The following ADCY1 variants were observed in gnomAD, a reference collection of about 807,000 sequenced individuals.
The protein encoded by ADCY1 is adenylate cyclase 1.
A neutral mutation model predicts 105.4 loss-of-function variants in ADCY1; 28 were observed. The observed-to-expected ratio is 0.27, with a 90% CI of 0.20 to 0.36. The LOEUF is 0.36. Ranked by LOEUF, ADCY1 falls within the 10% of genes least tolerant of loss-of-function variation. The pLI is 1.00. For missense variants in ADCY1, 977 were observed against 1,434.2 expected (o/e 0.68, Z 5.15); for synonymous variants, 655 against 623.8 (o/e 1.05, Z -0.75).
At position 45,710,407 on chromosome 7, in the gene ADCY1, A is replaced by G; in HGVS notation, c.2933-121A>G. The G allele has an allele frequency of 7.0e-7, 1 of 1,428,594 alleles. No homozygotes were observed. The highest frequency in any genetic ancestry group is 9.4e-7 in the Non-Finnish European group (1 of 1,058,340). The allele number at this position is 1,428,594 out of a possible 1,614,324, so 88.5% of individuals were successfully genotyped here. A position where few individuals can be genotyped will look rare whatever the true frequency, so the allele number is the denominator to read the frequency against. ...CTGGTGCTAGGTGACCCCAGGAAAC[A>G]AAGCCCTGAAAGGAGCAGCCTTTTC... On this transcript the variant is annotated intron_variant, in intron 18 of 19. Coordinates refer to ENST00000297323, the MANE Select transcript of ADCY1 (RefSeq NM_021116.4). This position sits in a 1 kb window ranked among gnomAD's most constrained non-coding sequence, Gnocchi z 4.7.
intron 4 of ADCY1, among the ~76,000 whole-genome samples, chr7:45,643,833 C>T (rs1211413933): frequency 6.6e-6 from 1 of 152,130 alleles, no homozygotes; most frequent in Non-Finnish European, 1.5e-5. Flanking sequence ...AGTGCATGCA[C>T]TGTGAAACTG....
At chr7:45,695,937 T>C (rs2116237307) in intron 14 of ADCY1, among the ~76,000 whole-genome samples, 2 of 152,196 alleles carry the variant, frequency 1.3e-5, no homozygotes, top group South Asian at 4.2e-4. Flanking sequence ...TTCTCAAGAG[T>C]GTGGAAAATA....
chr7:45,580,489 C>T (rs1792502293), intron 1 of ADCY1, among the ~76,000 whole-genome samples: 1 of 152,194 alleles, frequency 6.6e-6, no homozygotes. Context: ...AATAAGACCT[C>T]CCTTCCTCTG....
intron 14 of ADCY1, among the ~76,000 whole-genome samples, chr7:45,694,434 T>G: frequency 6.6e-6 from 1 of 152,224 alleles, no homozygotes; most frequent in South Asian, 2.1e-4. Flanking sequence ...AAACTACATA[T>G]GAGATCAACA....
At position 45,575,603 on chromosome 7, in the gene ADCY1, G is replaced by A. The variant is rs1393656113; in HGVS notation, c.639+421G>A. Among the ~76,000 whole-genome samples, 4 of 152,184 alleles carry A rather than the reference G, an allele frequency of 2.6e-5. No homozygotes were observed. The highest frequency in any genetic ancestry group is 5.9e-5 in the Non-Finnish European group (4 of 68,042). On this transcript the variant is annotated intron_variant, in intron 1 of 19. Coordinates refer to ENST00000297323, the MANE Select transcript of ADCY1 (RefSeq NM_021116.4). The surrounding 1 kb of genome is among the most constrained non-coding windows in gnomAD (Gnocchi z 4.7). The stretch of plus-strand genomic sequence containing the variant: ...AAGGCCGGCTCTGCGCGCAGCGCTG[G>A]GCTCTTCCCCTGCGCACCTAGAGCG...
At chr7:45,653,339 C>G (rs2043142173) in intron 5 of ADCY1, among the ~76,000 whole-genome samples, 1 of 152,216 alleles carries the variant, frequency 6.6e-6, no homozygotes, top group South Asian at 2.1e-4. Context: ...GGACCAACCT[C>G]CCAGCTGCTG....
chr7:45,657,291 C>T (rs1003033046), intron 5 of ADCY1, among the ~76,000 whole-genome samples: 4 of 152,268 alleles, frequency 2.6e-5, no homozygotes, highest in Admixed American at 2.0e-4. Flanking sequence ...AGGTTGTCAT[C>T]TGCATCTGGC....
Position 45,717,204 on chromosome 7 carries a change from G to C in ADCY1, c.*3209G>C, listed in dbSNP as rs562504695. On this transcript the variant is annotated 3_prime_UTR_variant, in exon 20 of 20. Coordinates refer to ENST00000297323, the MANE Select transcript of ADCY1 (RefSeq NM_021116.4). ...GCCACTTGTAGGGCAGTGAGAGGAA[G>C]CCGTCGCGGGGACCATGCTGCCTTC... 66 of 152,354 alleles carry C rather than the reference G, an allele frequency of 4.3e-4. No individual in the cohort carries two copies. The highest frequency in any genetic ancestry group is 1.5e-3 in the African/African-American group (64 of 41,568). The allele number at this position is 152,354 out of a possible 1,614,324, so 9.4% of individuals were successfully genotyped here.
chr7:45,685,004 A>G lies in ADCY1; in HGVS notation c.2009A>G (p.Gln670Arg). 6.2e-7 allele frequency: 1 copy of G among 1,614,194 alleles called. No homozygotes were observed. The highest frequency in any genetic ancestry group is 8.5e-7 in the Non-Finnish European group (1 of 1,180,004). The change falls in exon 12 of 20, where the codon CAG becomes CGG. Residue 670 changes from glutamine to arginine, a missense_variant. Gln to Arg is a conservative substitution (Grantham distance 43). Coordinates refer to ENST00000297323, the MANE Select transcript of ADCY1 (RefSeq NM_021116.4). The part of the protein sequence containing the change: ...VQCFPGCLTI[Q>R]IRTVLCIFIV... Reference sequence around the variant, plus strand: ...TGTTTTCCAGGGTGCCTGACGATTCAGATTCGCACTGTCCTGTGTATTTTC... The same window carrying G: ...TGTTTTCCAGGGTGCCTGACGATTCGGATTCGCACTGTCCTGTGTATTTTC...
chr7:45,699,810 G>A (rs1784962176), intron 14 of ADCY1, among the ~76,000 whole-genome samples: 1 of 152,156 alleles, frequency 6.6e-6, no homozygotes, highest in Non-Finnish European at 1.5e-5. Flanking sequence ...CAGATAGGAC[G>A]AGTTCTCTTC....
At chr7:45,605,129 C>T (rs1793338836) in intron 2 of ADCY1, among the ~76,000 whole-genome samples, 1 of 152,022 alleles carries the variant, frequency 6.6e-6, no homozygotes, top group Non-Finnish European at 1.5e-5. Context: ...TGTTTATTGC[C>T]AGTATATAGA....
chr7:45,708,485 C>T lies in ADCY1; in HGVS notation c.2932+21C>T. The stretch of plus-strand genomic sequence containing the variant: ...AGTTGGTATGTGGCTCTAAACCTAT[C>T]CTGTCCATCCATGTGGAACACCTTC... On this transcript the variant is annotated intron_variant, in intron 18 of 19. Transcript: ENST00000297323. This position sits in a 1 kb window ranked among gnomAD's most constrained non-coding sequence, Gnocchi z 4.7. The T allele has an allele frequency of 6.4e-7, 1 of 1,567,350 alleles. No homozygotes were observed. Among genetic ancestry groups the T allele is most frequent in the Non-Finnish European group, 8.8e-7 (1 of 1,137,700 alleles).
intron 2 of ADCY1, among the ~76,000 whole-genome samples, chr7:45,605,193 A>G (rs553689643): frequency 2.2e-4 from 33 of 152,262 alleles, no homozygotes; most frequent in African/African-American, 7.5e-4. Flanking sequence ...TCTGAACTTA[A>G]TTATTTGTTC....
At position 45,686,326 on chromosome 7, in the gene ADCY1, A is replaced by G. The variant is rs960973550; in HGVS notation, c.2327+111A>G. The G allele has an allele frequency of 6.8e-7, 1 of 1,473,402 alleles. No individual in the cohort carries two copies. Among genetic ancestry groups the G allele is most frequent in the African/African-American group, 1.4e-5 (1 of 70,806 alleles). The allele number at this position is 1,473,402 out of a possible 1,614,324, so 91.3% of individuals were successfully genotyped here. A position where few individuals can be genotyped will look rare whatever the true frequency, so the allele number is the denominator to read the frequency against. ...TCCAGAACTAGTCAAGTTGAATTGTATACACAATTTTTAGTTTGGTGGCTG... is the reference window on the plus strand; with the variant it reads ...TCCAGAACTAGTCAAGTTGAATTGTGTACACAATTTTTAGTTTGGTGGCTG... On this transcript the variant is annotated intron_variant, in intron 13 of 19. Transcript: ENST00000297323. This position sits in a 1 kb window ranked among gnomAD's most constrained non-coding sequence, Gnocchi z 4.3.
Position 45,590,859 on chromosome 7 carries a change from C to T in ADCY1, c.640-1900C>T, listed in dbSNP as rs545388147. ...GGTGCTGTCCAGCAGGGGCAACCTC[C>T]TGCCTGTGCCTTTGCCAGTGTGTGG... On this transcript the variant is annotated intron_variant, in intron 1 of 19. Coordinates refer to ENST00000297323, the MANE Select transcript of ADCY1 (RefSeq NM_021116.4). Among the ~76,000 whole-genome samples, 210 of 152,292 alleles carry T rather than the reference C, an allele frequency of 1.4e-3. 1 individual carries two copies. The highest frequency in any genetic ancestry group is 6.7e-3 in the Admixed American group (102 of 15,308).
intron 6 of ADCY1, among the ~76,000 whole-genome samples, chr7:45,659,638 C>A (rs1033806106): frequency 2.6e-5 from 4 of 152,224 alleles, no homozygotes; most frequent in Admixed American, 2.6e-4. Flanking sequence ...CTGCCCACTC[C>A]TTGTGCTGAC....
rs114233764 is a variant in ADCY1, at chr7:45,580,953, G to C, written c.639+5771G>C. Among the ~76,000 whole-genome samples the C allele has an allele frequency of 2.9e-3, 441 of 152,296 alleles. 2 individuals are homozygous for C. Among genetic ancestry groups the C allele is most frequent in the Middle Eastern group, 0.017 (5 of 294 alleles). ...GATGTCCCTCTCCTGTCACATCTCT[G>C]AGGTTGAGAGGGCCAGGGATCAACT... On this transcript the variant is annotated intron_variant, in intron 1 of 19. Coordinates refer to ENST00000297323, the MANE Select transcript of ADCY1 (RefSeq NM_021116.4).
intron 19 of ADCY1, among the ~76,000 whole-genome samples, chr7:45,711,607 GTA>G (rs71030888): frequency 0.045 from 3,187 of 70,218 alleles, 54 homozygotes; most frequent in East Asian, 0.075. Flanking sequence ...ACTTCGTGCT[GTA>G]TATATATATA....
intron 14 of ADCY1, among the ~76,000 whole-genome samples, chr7:45,694,459 C>T (rs1419949052): frequency 6.6e-6 from 1 of 152,072 alleles, no homozygotes. Context: ...TGGGGTTCAG[C>T]TAAAGCAGTA....
Sources: allele counts gnomAD v4.1 joint callset (sites outside exome capture counted in the v4.1 genomes callset), GRCh38; gene constraint gnomAD v4.1.1; non-coding constraint Gnocchi (gnomAD v3.1); transcripts MANE v1.5; gene names NCBI Gene and HGNC (gene_info 2026-07-23, HGNC 2026-07-21).